Variants in KCNIP4 observed in about 807,000 individuals in gnomAD.
The protein encoded by KCNIP4 is Kv channel-interacting protein 4.
KCNIP4 carries 12 observed loss-of-function variants against 34.0 expected under a neutral mutation model. The ratio of observed to expected loss-of-function variants is 0.35; its 90% CI spans 0.23 to 0.57. The LOEUF is 0.57. Ranked by LOEUF, KCNIP4 falls within the 20% of genes least tolerant of loss-of-function variation. The pLI is 0.83. For synonymous variants in KCNIP4, 124 were observed against 102.2 expected (o/e 1.21, Z -1.29); for missense variants, 238 against 311.7 (o/e 0.76, Z 1.78).
At chr4:20,851,196 C>A (rs147550584) in intron 2 of KCNIP4, among the ~76,000 whole-genome samples, 66 of 152,228 alleles carry the variant, frequency 4.3e-4, no homozygotes, top group Admixed American at 1.6e-3. Flanking sequence ...TCTCCCTCCC[C>A]CAACAGGTGC....
chr4:21,270,659 T>C (rs1055287545), intron 1 of KCNIP4, among the ~76,000 whole-genome samples: 3 of 152,252 alleles, frequency 2.0e-5, no homozygotes, highest in African/African-American at 7.2e-5. Flanking sequence ...CAATTAATTT[T>C]TTTCCAGCAC....
chr4:21,704,811 T>C (rs1713138144), intron 1 of KCNIP4, among the ~76,000 whole-genome samples: 1 of 152,118 alleles, frequency 6.6e-6, no homozygotes, highest in South Asian at 2.1e-4. Flanking sequence ...TCTGGCGGTG[T>C]CTTAAAATTC....
chr4:20,988,069 T>A (rs1736756836), intron 1 of KCNIP4, among the ~76,000 whole-genome samples: 1 of 150,684 alleles, frequency 6.6e-6, no homozygotes, highest in African/African-American at 2.5e-5. Context: ...CCTGAAATAA[T>A]TTGGTTTCAA....
chr4:21,807,235 G>A (rs572768075), intron 1 of KCNIP4, among the ~76,000 whole-genome samples: 3 of 152,136 alleles, frequency 2.0e-5, no homozygotes, highest in East Asian at 1.9e-4. Flanking sequence ...ACAAAGCTTC[G>A]CTTGCTCACT....
At chr4:21,883,076 A>G (rs1179043386) in intron 1 of KCNIP4, among the ~76,000 whole-genome samples, 3 of 152,124 alleles carry the variant, frequency 2.0e-5, no homozygotes, top group African/African-American at 7.2e-5. Flanking sequence ...TTCTAAGACC[A>G]AAAGATAGAT....
At chr4:21,201,691 G>A (rs1348155680) in intron 1 of KCNIP4, among the ~76,000 whole-genome samples, 1 of 152,048 alleles carries the variant, frequency 6.6e-6, no homozygotes, top group African/African-American at 2.4e-5. Context: ...GTAGAGACAG[G>A]GTTTCACCAT....
At chr4:21,512,176 GGAAGGAACGAAC>G (rs529558550) in intron 1 of KCNIP4, among the ~76,000 whole-genome samples, 2,159 of 146,682 alleles carry the variant, frequency 0.015, 51 homozygotes, top group African/African-American at 0.043. Flanking sequence ...GAGGGAGGAA[GGAAGGAACGAAC>G]GAAGGAACGA....
chr4:21,862,013 G>A (rs1725105000), intron 1 of KCNIP4, among the ~76,000 whole-genome samples: 1 of 152,070 alleles, frequency 6.6e-6, no homozygotes, highest in African/African-American at 2.4e-5. Flanking sequence ...ACTACAGCCA[G>A]GGATAATTCC....
chr4:20,965,887 T>G (rs1734294701), intron 1 of KCNIP4, among the ~76,000 whole-genome samples: 1 of 152,200 alleles, frequency 6.6e-6, no homozygotes, highest in Admixed American at 6.5e-5. Flanking sequence ...GCTTTAAACT[T>G]TTAGTCTAAA....
At chr4:21,036,689 G>A (rs931040551) in intron 1 of KCNIP4, among the ~76,000 whole-genome samples, 6 of 152,174 alleles carry the variant, frequency 3.9e-5, no homozygotes, top group East Asian at 1.9e-4. Flanking sequence ...TGGCACCACT[G>A]CACTCCAGCC....
chr4:21,833,646 T>G (rs1464568646), intron 1 of KCNIP4, among the ~76,000 whole-genome samples: 1 of 152,108 alleles, frequency 6.6e-6, no homozygotes, highest in Non-Finnish European at 1.5e-5. Flanking sequence ...TTTTGGTGTT[T>G]TAGACACGAA....
chr4:21,587,444 T>C (rs1269809505), intron 1 of KCNIP4, among the ~76,000 whole-genome samples: 3 of 152,070 alleles, frequency 2.0e-5, no homozygotes, highest in Non-Finnish European at 4.4e-5. Context: ...CATTCAGGTG[T>C]CAATTTTCAA....
At chr4:20,780,031 A>G (rs1337703141) in intron 3 of KCNIP4, among the ~76,000 whole-genome samples, 1 of 152,208 alleles carries the variant, frequency 6.6e-6, no homozygotes, top group Non-Finnish European at 1.5e-5. Context: ...AAACTAATAC[A>G]TGCATGATTG....
At chr4:21,743,065 A>T (rs1251890662) in intron 1 of KCNIP4, among the ~76,000 whole-genome samples, 2 of 152,212 alleles carry the variant, frequency 1.3e-5, no homozygotes, top group East Asian at 3.9e-4. Context: ...ATCAGTGGTC[A>T]CCAAGATTAA....
intron 1 of KCNIP4, among the ~76,000 whole-genome samples, chr4:21,229,311 C>T (rs1460745486): frequency 6.6e-6 from 1 of 152,088 alleles, no homozygotes; most frequent in Non-Finnish European, 1.5e-5. Flanking sequence ...CTGCTAATTC[C>T]CAATGTATTT....
intron 1 of KCNIP4, among the ~76,000 whole-genome samples, chr4:21,073,875 T>C (rs1745214544): frequency 6.6e-6 from 1 of 152,174 alleles, no homozygotes; most frequent in African/African-American, 2.4e-5. Flanking sequence ...AAAGGCCTTT[T>C]CTGCATCTAT....
chr4:20,852,987 A>G (rs528971955), intron 2 of KCNIP4, among the ~76,000 whole-genome samples: 1 of 152,330 alleles, frequency 6.6e-6, no homozygotes, highest in Non-Finnish European at 1.5e-5. Context: ...ACACAAACAA[A>G]TGGAAACACA....
intron 3 of KCNIP4, among the ~76,000 whole-genome samples, chr4:20,837,684 A>AT (rs773131443): frequency 0.056 from 5,740 of 102,326 alleles, 173 homozygotes; most frequent in Non-Finnish European, 0.075. Flanking sequence ...ATATATATAT[A>AT]TATTTTTTTT....
intron 1 of KCNIP4, among the ~76,000 whole-genome samples, chr4:21,432,513 A>G (rs1197493228): frequency 6.6e-6 from 1 of 152,124 alleles, no homozygotes; most frequent in Non-Finnish European, 1.5e-5. Flanking sequence ...GAGTGCGTCT[A>G]TTTACAAGTG....
Sources: allele counts gnomAD v4.1 joint callset (sites outside exome capture counted in the v4.1 genomes callset), GRCh38; gene constraint gnomAD v4.1.1; transcripts MANE v1.5; gene names NCBI Gene and HGNC (gene_info 2026-07-23, HGNC 2026-07-21).